Variants in SUPT20H observed in about 807,000 individuals in gnomAD.
SUPT20H encodes the protein transcription factor SPT20 homolog.
A neutral mutation model predicts 122.8 loss-of-function variants in SUPT20H; 82 were observed. The observed-to-expected ratio is 0.67, with a 90% CI of 0.56 to 0.80. SUPT20H has a LOEUF of 0.80. Ranked by LOEUF, SUPT20H falls within the 30% of genes least tolerant of loss-of-function variation. SUPT20H has a pLI of 0.00. For missense variants in SUPT20H, 831 were observed against 921.6 expected, an observed-to-expected ratio of 0.90 and a Z score of 1.27; for synonymous variants, 291 against 313.0, an observed-to-expected ratio of 0.93 and a Z score of 0.74.
At chr13:37,025,500 A>T (rs536846718) in intron 16 of SUPT20H, 63 bp from the exon 17 acceptor site, 1 of 1,117,232 alleles carries the variant, frequency 9.0e-7, no homozygotes, top group East Asian at 2.4e-5. Flanking sequence ...AATTTATTTT[A>T]TAGGAAAGAA....
At chr13:37,044,761 A>G (rs2066111683) in intron 6 of SUPT20H, among the ~76,000 whole-genome samples, 1 of 152,162 alleles carries the variant, frequency 6.6e-6, no homozygotes, top group Admixed American at 6.6e-5. Context: ...ATTAATAGAA[A>G]TATTTTAATA....
At position 37,024,400 on chromosome 13, in the gene SUPT20H, C is replaced by T. The variant is rs2061857673; in HGVS notation, c.1372G>A (p.Gly458Ser). The change falls in exon 18 of 26, where the codon GGT (glycine) becomes AGT (serine). Residue 458 changes from glycine (G) to serine (S), a missense_variant. Gly to Ser is a moderately conservative substitution (Grantham distance 56, BLOSUM62 0). Coordinates refer to ENST00000350612, the MANE Select transcript of SUPT20H (RefSeq NM_001014286.3). ...VSVQSSVLGK[G>S]VKHRPPPIKL... is the part of the protein sequence containing the mutation. Reference sequence around the variant, plus strand: ...ATTGGTGGGGGTCGATGTTTTACACCCTTCCCCAATACCGAAGACTGAACT... The same window carrying T: ...ATTGGTGGGGGTCGATGTTTTACACTCTTCCCCAATACCGAAGACTGAACT... The T allele has an allele frequency of 1.3e-6, 2 of 1,590,204 alleles. No individual in the cohort carries two copies. Among genetic ancestry groups the T allele is most frequent in the Admixed American group, 3.6e-5 (2 of 55,018 alleles).
chr13:37,024,589 G>T, intron 17 of SUPT20H, 147 bp from the exon 18 acceptor site: 1 of 488,860 alleles, frequency 2.0e-6, no homozygotes, highest in Non-Finnish European at 3.4e-6. Flanking sequence ...TGCTCTTAGT[G>T]GTTACAGATT....
chr13:37,009,725 T>G lies in SUPT20H; in HGVS notation c.2287A>C (p.Ser763Arg). ...CTCTTCATTTTACTTTTTGACTGGC[T>G]GCCTGTATGCCGATGATGATGTAGC... is the stretch of plus-strand genomic sequence containing the variant. ...AQLHHHRHTG[S>R]QSKSKMKRGT... Residue 763 changes from serine to arginine, a missense_variant, in exon 26 of 26, where the codon AGC becomes CGC. By Grantham distance (110) the Ser-to-Arg change is moderately radical (BLOSUM62 -1). Transcript: ENST00000350612. 1 of 1,614,142 alleles carries G rather than the reference T, an allele frequency of 6.2e-7. No individual in the cohort carries two copies.
At chr13:37,057,480 T>A (rs1053624865) in intron 1 of SUPT20H, among the ~76,000 whole-genome samples, 1 of 151,214 alleles carries the variant, frequency 6.6e-6, no homozygotes, top group African/African-American at 2.4e-5. Flanking sequence ...CAGTTTTGCT[T>A]TGATTTTTGG....
Position 37,022,964 on chromosome 13 carries a change from T to A in SUPT20H, c.1592-884A>T. 1 of 1,246,196 alleles carries A rather than the reference T, an allele frequency of 8.0e-7. No individual in the cohort carries two copies. The highest frequency in any genetic ancestry group is 1.0e-6 in the Non-Finnish European group (1 of 968,820). The allele number at this position is 1,246,196 out of a possible 1,614,324, so 77.2% of individuals were successfully genotyped here. A position where few individuals can be genotyped will look rare whatever the true frequency, so the allele number is the denominator to read the frequency against. ...AAGTATGCACAGTTTATCAATTTTTTAAAAAACAAAAACAAAAAACAAAAA... is the reference window on the plus strand; with the variant it reads ...AAGTATGCACAGTTTATCAATTTTTAAAAAAACAAAAACAAAAAACAAAAA... On this transcript the variant is annotated intron_variant, in intron 19 of 25. Transcript: ENST00000350612. The surrounding 1 kb of genome is among the most constrained non-coding windows in gnomAD (Gnocchi z 4.5).
chr13:37,027,370 T>C (rs953695998), intron 14 of SUPT20H, among the ~76,000 whole-genome samples: 6 of 151,974 alleles, frequency 3.9e-5, no homozygotes, highest in Admixed American at 2.0e-4. Flanking sequence ...CCTTTTACAA[T>C]AATAAAAACT....
At chr13:37,039,132 T>C (rs562175414) in intron 9 of SUPT20H, 2 of 152,114 alleles carry the variant, frequency 1.3e-5, no homozygotes, top group Non-Finnish European at 2.9e-5. Context: ...GACCAATGAT[T>C]AACAGCAGAA....
At position 37,051,500 on chromosome 13, in the gene SUPT20H, A is replaced by G. The variant is rs376696959; in HGVS notation, c.-10T>C. ...AGCTGAAGCTTACCATTATGGCATA[A>G]AATAAGGGTCCAAAAGAAGAGATAA... On this transcript the variant is annotated 5_prime_UTR_variant, in exon 2 of 26. Transcript: ENST00000350612. 1.5e-5 allele frequency: 24 copies of G among 1,611,566 alleles called. No individual in the cohort carries two copies. The highest frequency in any genetic ancestry group is 2.0e-5 in the Non-Finnish European group (24 of 1,178,316).
intron 6 of SUPT20H, 86 bp from the exon 7 acceptor site, chr13:37,044,267 T>A: frequency 9.5e-7 from 1 of 1,048,566 alleles, no homozygotes; most frequent in Non-Finnish European, 1.3e-6. Context: ...AAGAACTATA[T>A]ATAATAAAAC....
In SUPT20H at chr13:37,024,083, C is replaced by G. The variant is rs2061800569; in HGVS notation, c.1543G>C (p.Val515Leu). Residue 515 changes from valine (V) to leucine (L), a missense_variant, in exon 19 of 26, where the codon GTT (valine) becomes CTT (leucine). Physicochemically the swap from Val to Leu is conservative, Grantham distance 32. Transcript: ENST00000350612. ...PRKSSVDLNQ[V>L]SMLSPAALSP... The stretch of plus-strand genomic sequence containing the variant: ...AGGGCAGCTGGAGAAAGCATGCTAA[C>G]TTGATTGAGATCCACAGATGATTTC... The G allele has an allele frequency of 6.2e-7, 1 of 1,613,146 alleles. No homozygotes were observed. The highest frequency in any genetic ancestry group is 8.5e-7 in the Non-Finnish European group (1 of 1,179,572).
intron 21 of SUPT20H, among the ~76,000 whole-genome samples, 174 bp from the exon 22 acceptor site, chr13:37,019,571 A>C (rs2061144051): frequency 6.6e-6 from 1 of 152,240 alleles, no homozygotes; most frequent in African/African-American, 2.4e-5. Flanking sequence ...ATATTTATCA[A>C]TACTGAGATT....
In SUPT20H at chr13:37,047,938, T is replaced by A; in HGVS notation, c.40-2A>T. 6.2e-7 allele frequency: 1 copy of A among 1,600,866 alleles called. No homozygotes were observed. The highest frequency in any genetic ancestry group is 8.5e-7 in the Non-Finnish European group (1 of 1,173,610). Reference sequence around the variant, plus strand: ...CTGTCGGGCACTTTCAATGACATACTAAAAAACAAAAGTTTATGAGAACAG... The same window carrying A: ...CTGTCGGGCACTTTCAATGACATACAAAAAAACAAAAGTTTATGAGAACAG... On this transcript the variant is annotated splice_acceptor_variant, in intron 3 of 25. Coordinates refer to ENST00000350612, the MANE Select transcript of SUPT20H (RefSeq NM_001014286.3). LOFTEE classifies it high-confidence loss of function.
intron 24 of SUPT20H, among the ~76,000 whole-genome samples, chr13:37,011,360 T>C (rs1330144924): frequency 1.3e-5 from 2 of 152,250 alleles, no homozygotes; most frequent in Non-Finnish European, 2.9e-5. Flanking sequence ...TATATGATTA[T>C]ATAAACTTCT....
At chr13:37,036,377 T>G (rs1376676427) in intron 9 of SUPT20H, among the ~76,000 whole-genome samples, 1 of 151,132 alleles carries the variant, frequency 6.6e-6, no homozygotes, top group East Asian at 2.0e-4. Context: ...CAGGTTGGAG[T>G]GCAGTGGTGC....
At position 37,022,967 on chromosome 13, in the gene SUPT20H, AAAAC is replaced by A; in HGVS notation, c.1592-891_1592-888del. ...TATGCACAGTTTATCAATTTTTTAA[AAAAC>A]AAAAACAAAAAACAAAAACCAAAAA... On this transcript the variant is annotated intron_variant, in intron 19 of 25. Transcript: ENST00000350612. This position sits in a 1 kb window ranked among gnomAD's most constrained non-coding sequence, Gnocchi z 4.5. 1.6e-6 allele frequency: 2 copies of A among 1,248,288 alleles called. No individual in the cohort carries two copies. The highest frequency in any genetic ancestry group is 2.1e-6 in the Non-Finnish European group (2 of 970,442). The allele number at this position is 1,248,288 out of a possible 1,614,324, so 77.3% of individuals were successfully genotyped here.
chr13:37,019,602 C>A (rs183820572), intron 21 of SUPT20H, among the ~76,000 whole-genome samples: 4 of 152,152 alleles, frequency 2.6e-5, no homozygotes, highest in Non-Finnish European at 5.9e-5. Context: ...TTGTGAAGCA[C>A]CAGATGCACA....
Position 37,031,896 on chromosome 13 carries a change from C to G in SUPT20H, c.708-1G>C. ...GGATCTGGAATACCTCTTGAAACACCTGAAATATTAAGAAATTTGAACTAA... is the reference window on the plus strand; with the variant it reads ...GGATCTGGAATACCTCTTGAAACACGTGAAATATTAAGAAATTTGAACTAA... On this transcript the variant is annotated splice_acceptor_variant, in intron 10 of 25. Transcript: ENST00000350612. LOFTEE classifies it high-confidence loss of function. 1 of 1,570,910 alleles carries G rather than the reference C, an allele frequency of 6.4e-7. No individual in the cohort carries two copies. Among genetic ancestry groups the G allele is most frequent in the Non-Finnish European group, 8.6e-7 (1 of 1,167,202 alleles).
In SUPT20H at chr13:37,024,385, G is replaced by A. The variant is rs758581158; in HGVS notation, c.1387C>T (p.Pro463Ser). The A allele has an allele frequency of 1.9e-6, 3 of 1,593,108 alleles. No homozygotes were observed. The highest frequency in any genetic ancestry group is 2.6e-6 in the Non-Finnish European group (3 of 1,172,740). ...CTTGAGGGAAGTTTGATTGGTGGGGGTCGATGTTTTACACCCTTCCCCAAT... is the reference window on the plus strand; with the variant it reads ...CTTGAGGGAAGTTTGATTGGTGGGGATCGATGTTTTACACCCTTCCCCAAT... ...SVLGKGVKHR[P>S]PPIKLPSSSG... The change falls in exon 18 of 26, where the codon CCC becomes TCC. Residue 463 changes from proline (P) to serine (S), a missense_variant. Coordinates refer to ENST00000350612, the MANE Select transcript of SUPT20H (RefSeq NM_001014286.3).
Sources: gnomAD v4.1 joint callset for allele counts (sites outside exome capture counted in the v4.1 genomes callset) on GRCh38, gnomAD v4.1.1 for gene constraint, Gnocchi (gnomAD v3.1) non-coding constraint, MANE v1.5 for transcripts, NCBI Gene and HGNC (gene_info 2026-07-23, HGNC 2026-07-21) for gene names.